The following STARD3NL variants were observed in gnomAD, a reference collection of about 807,000 sequenced individuals.
The protein encoded by STARD3NL is STARD3 N-terminal-like protein.
A neutral mutation model predicts 30.9 loss-of-function variants in STARD3NL; 17 were observed. The observed-to-expected ratio is 0.55, with a 90% CI of 0.38 to 0.82. The LOEUF (loss-of-function observed/expected upper bound fraction) is 0.82, where lower values mean the gene tolerates loss of function less well. Among genes scored for constraint, STARD3NL ranks in the 40% least tolerant of loss-of-function variants. The pLI is 0.00. For synonymous variants in STARD3NL, 112 were observed against 100.5 expected (o/e 1.11, Z -0.69); for missense variants, 234 against 277.6 (o/e 0.84, Z 1.12).
At chr7:38,219,225 T>G (rs2116375687) in intron 6 of STARD3NL, among the ~76,000 whole-genome samples, 1 of 152,242 alleles carries the variant, frequency 6.6e-6, no homozygotes, top group South Asian at 2.1e-4. Context: ...TTTTAAATTT[T>G]TTATAGAGAC....
intron 2 of STARD3NL, among the ~76,000 whole-genome samples, chr7:38,209,660 C>A (rs1785685324): frequency 6.6e-6 from 1 of 152,186 alleles, no homozygotes; most frequent in Non-Finnish European, 1.5e-5. Context: ...ACGTCAACAG[C>A]AAGTCCGGGC....
chr7:38,203,459 A>G (rs933758534), intron 1 of STARD3NL, among the ~76,000 whole-genome samples: 1 of 152,240 alleles, frequency 6.6e-6, no homozygotes, highest in East Asian at 1.9e-4. Flanking sequence ...GGCCTGCCCT[A>G]CAAGAGCTCC....
Position 38,219,575 on chromosome 7 carries a change from A to G in STARD3NL, c.564A>G (p.Ile188Met). Residue 188 changes from isoleucine (I) to methionine (M), a missense_variant, in exon 7 of 9, where the codon ATA becomes ATG. Transcript: ENST00000009041. ...TTTCTTCTCTTCCAGGACTCCTGAT[A>G]GTTCAGGATGCTTCAGAGAGGGCAG... is the stretch of plus-strand genomic sequence containing the variant. The part of the protein sequence containing the change: ...QEAEEENRLL[I>M]VQDASERAAL... 1.2e-6 allele frequency: 2 copies of G among 1,601,870 alleles called. No homozygotes were observed. Among genetic ancestry groups the G allele is most frequent in the Non-Finnish European group, 1.7e-6 (2 of 1,170,480 alleles).
At chr7:38,183,698 A>G (rs1167780414) in intron 1 of STARD3NL, among the ~76,000 whole-genome samples, 1 of 152,214 alleles carries the variant, frequency 6.6e-6, no homozygotes, top group African/African-American at 2.4e-5. Flanking sequence ...TGGAGATTAA[A>G]TATTCTTAGC....
chr7:38,187,198 G>A (rs1373730205), intron 1 of STARD3NL, among the ~76,000 whole-genome samples: 4 of 152,184 alleles, frequency 2.6e-5, no homozygotes, highest in African/African-American at 7.2e-5. Context: ...CAGGGTTGAT[G>A]AGCTAACAAG....
In STARD3NL at chr7:38,215,053, T is replaced by G; in HGVS notation, c.329T>G (p.Val110Gly). The G allele has an allele frequency of 6.2e-7, 1 of 1,614,038 alleles. No homozygotes were observed. The highest frequency in any genetic ancestry group is 8.5e-7 in the Non-Finnish European group (1 of 1,179,962). ...CTTCTGGCAGTTTTTCGATTTAAAGTGTTAATACTTGCATATGCTGTGTGC... is the reference window on the plus strand; with the variant it reads ...CTTCTGGCAGTTTTTCGATTTAAAGGGTTAATACTTGCATATGCTGTGTGC... ...IFLLAVFRFK[V>G]LILAYAVCRL... Residue 110 changes from valine to glycine, a missense_variant, in exon 4 of 9, where the codon GTG becomes GGG. Coordinates refer to ENST00000009041, the MANE Select transcript of STARD3NL (RefSeq NM_032016.4).
intron 1 of STARD3NL, among the ~76,000 whole-genome samples, chr7:38,184,248 C>T (rs1329020685): frequency 2.0e-5 from 3 of 152,054 alleles, no homozygotes; most frequent in South Asian, 4.1e-4. Context: ...TTTGGTGGTT[C>T]AAGGAAAAGG....
intron 1 of STARD3NL, among the ~76,000 whole-genome samples, chr7:38,180,182 A>G (rs574076003): frequency 8.5e-5 from 13 of 152,248 alleles, no homozygotes; most frequent in Non-Finnish European, 1.3e-4. Flanking sequence ...AAATCATTGC[A>G]GTAATTTATT....
intron 1 of STARD3NL, among the ~76,000 whole-genome samples, chr7:38,203,253 A>G (rs1187830613): frequency 2.0e-5 from 3 of 152,208 alleles, no homozygotes; most frequent in African/African-American, 7.2e-5. Flanking sequence ...GTTACCCACA[A>G]AGGGAAGCCC....
At chr7:38,185,079 G>A (rs1477364601) in intron 1 of STARD3NL, among the ~76,000 whole-genome samples, 1 of 152,002 alleles carries the variant, frequency 6.6e-6, no homozygotes, top group African/African-American at 2.4e-5. Flanking sequence ...GCCTGTAGTT[G>A]AATTGAGTCT....
chr7:38,194,414 A>G (rs1210423111), intron 1 of STARD3NL, among the ~76,000 whole-genome samples: 1 of 151,946 alleles, frequency 6.6e-6, no homozygotes. Context: ...CTCCTTTTGG[A>G]TTTACTAATT....
chr7:38,206,461 C>T lies in STARD3NL; in HGVS notation c.-58-986C>T, dbSNP rs535472426. On this transcript the variant is annotated intron_variant, in intron 1 of 8. Transcript: ENST00000009041. The stretch of plus-strand genomic sequence containing the variant: ...GACAATCATACCATCCACCACACTT[C>T]GTTTAATGTCTTTGTCCCATCCATA... Among the ~76,000 whole-genome samples the T allele has an allele frequency of 1.1e-4, 16 of 152,250 alleles. No homozygotes were observed. The South Asian group carries it at 2.7e-3, about 26-fold the overall frequency.
intron 4 of STARD3NL, chr7:38,216,546 C>T: frequency 1.3e-5 from 2 of 156,766 alleles, no homozygotes; most frequent in South Asian, 1.8e-4. Flanking sequence ...CTTGGTGTTC[C>T]CTGTCCTCCT....
At chr7:38,211,813 G>A (rs1265330936) in intron 2 of STARD3NL, among the ~76,000 whole-genome samples, 3 of 152,114 alleles carry the variant, frequency 2.0e-5, no homozygotes, top group African/African-American at 7.2e-5. Flanking sequence ...AGAGACTTAG[G>A]CCAAACATGA....
At chr7:38,209,214 G>A (rs932880347) in intron 2 of STARD3NL, among the ~76,000 whole-genome samples, 4 of 151,916 alleles carry the variant, frequency 2.6e-5, no homozygotes, top group African/African-American at 7.3e-5. Context: ...TTTAATTAAT[G>A]TATATTTTAA....
At chr7:38,185,038 G>A (rs1784404785) in intron 1 of STARD3NL, among the ~76,000 whole-genome samples, 1 of 151,932 alleles carries the variant, frequency 6.6e-6, no homozygotes, top group Non-Finnish European at 1.5e-5. Context: ...TTATTAGACT[G>A]TAAAGCACAC....
intron 1 of STARD3NL, among the ~76,000 whole-genome samples, chr7:38,178,864 C>CAA (rs796132304): frequency 0.1 from 14,845 of 142,040 alleles, 795 homozygotes; most frequent in African/African-American, 0.12. Context: ...AAGTCGTGTT[C>CAA]AAAAAAAAAA....
chr7:38,205,766 C>T (rs1026797220), intron 1 of STARD3NL, among the ~76,000 whole-genome samples: 18 of 152,182 alleles, frequency 1.2e-4, no homozygotes, highest in African/African-American at 4.1e-4. Context: ...TATGTTACCA[C>T]TACTCAGGTA....
intron 1 of STARD3NL, among the ~76,000 whole-genome samples, chr7:38,191,806 C>G (rs1292654218): frequency 6.6e-6 from 1 of 151,874 alleles, no homozygotes; most frequent in African/African-American, 2.4e-5. Flanking sequence ...AGTCTTTAAG[C>G]TAGGTAATGT....
Sources: gnomAD v4.1 joint callset for allele counts (sites outside exome capture counted in the v4.1 genomes callset) on GRCh38, gnomAD v4.1.1 for gene constraint, MANE v1.5 for transcripts, NCBI Gene and HGNC (gene_info 2026-07-23, HGNC 2026-07-21) for gene names.